LPIN3: variants seen among roughly 807,000 people sequenced by gnomAD.
LPIN3 encodes lipin 3, also known as phosphatidate phosphatase LPIN3.
A neutral mutation model predicts 94.7 loss-of-function variants in LPIN3; 82 were observed. The ratio of observed to expected loss-of-function variants is 0.87; its 90% CI spans 0.72 to 1.04. LPIN3 has a LOEUF of 1.04. Ranked by LOEUF, LPIN3 falls within the 50% of genes least tolerant of loss-of-function variation. LPIN3 has a pLI of 0.00. For missense variants in LPIN3, 996 were observed against 1,090.5 expected (o/e 0.91, Z 1.22); for synonymous variants, 418 against 443.3 (o/e 0.94, Z 0.72).
intron 18 of LPIN3, 23 bp from the exon 19 acceptor site, chr20:41,358,416 T>C (rs747879775): frequency 1.2e-6 from 2 of 1,613,710 alleles, no homozygotes; most frequent in Non-Finnish European, 8.5e-7. Context: ...CTCCATTCCA[T>C]GGGCCCCTCC....
chr20:41,350,574 G>A (rs1361369685), intron 7 of LPIN3, among the ~76,000 whole-genome samples, 177 bp downstream of exon 7: 6 of 152,202 alleles, frequency 3.9e-5, no homozygotes, highest in Non-Finnish European at 7.3e-5. Flanking sequence ...GTGGAAGGGC[G>A]TGCCACAGGC....
intron 1 of LPIN3, among the ~76,000 whole-genome samples, chr20:41,343,773 T>C (rs2045670678): frequency 6.6e-6 from 1 of 152,200 alleles, no homozygotes; most frequent in Non-Finnish European, 1.5e-5. Context: ...AAAATGCAGA[T>C]GCTAGGCCAG....
rs2046067043 is a variant in LPIN3 at position 41,352,667 on chromosome 20, T to A, written c.1425T>A (p.Asp475Glu). ...QDLTKNPGLLDDPNLVVKING... is the reference protein window; with the variant it reads ...QDLTKNPGLLEDPNLVVKING... ...TCACCAAAAACCCCGGACTTTTGGATGACCCAAACCTAGTGGTGAAAATCA... is the reference window on the plus strand; with the variant it reads ...TCACCAAAAACCCCGGACTTTTGGAAGACCCAAACCTAGTGGTGAAAATCA... The change falls in exon 10 of 20, where the codon GAT becomes GAA. Residue 475 changes from aspartate to glutamate, a missense_variant. Coordinates refer to ENST00000373257, the MANE Select transcript of LPIN3 (RefSeq NM_022896.3). 2 of 1,614,220 alleles carry A rather than the reference T, an allele frequency of 1.2e-6. No individual in the cohort carries two copies. The highest frequency in any genetic ancestry group is 2.7e-5 in the African/African-American group (2 of 75,060).
At chr20:41,349,999 T>C in intron 6 of LPIN3, 56 bp from the exon 7 acceptor site, 1 of 1,560,050 alleles carries the variant, frequency 6.4e-7, no homozygotes, top group Non-Finnish European at 8.7e-7. Context: ...CCCAAAAGCT[T>C]TGTGGGGCAT....
In LPIN3 at chr20:41,350,112, A is replaced by ACCT; in HGVS notation, c.819_821dup (p.Ser274dup). On this transcript the variant is annotated inframe_insertion, in exon 7 of 20. Coordinates refer to ENST00000373257, the MANE Select transcript of LPIN3 (RefSeq NM_022896.3). Reference sequence around the variant, plus strand: ...GGTCCTTGAAGGCAGAGCTGGGGCAACCTCTCCTCCTCGGGGAGGACCCAG... The same window carrying ACCT: ...GGTCCTTGAAGGCAGAGCTGGGGCAACCTCCTCTCCTCCTCGGGGAGGACCCAG... 1 of 1,611,282 alleles carries ACCT rather than the reference A, an allele frequency of 6.2e-7. No individual in the cohort carries two copies. Among genetic ancestry groups the ACCT allele is most frequent in the Non-Finnish European group, 8.5e-7 (1 of 1,178,918 alleles).
In LPIN3 at chr20:41,357,426, G is replaced by A; in HGVS notation, c.2018G>A (p.Ser673Asn). 6.2e-7 allele frequency: 1 copy of A among 1,613,814 alleles called. No homozygotes were observed. Reference protein sequence around the residue: ...GKDWTHQGITSLYHKIQLNGY... With the variant: ...GKDWTHQGITNLYHKIQLNGY... The stretch of plus-strand genomic sequence containing the variant: ...GACTGGACACACCAGGGCATCACCA[G>A]TCTCTATCACAAAATCCAACTGTGA... The change falls in exon 16 of 20, where the codon AGT (serine) becomes AAT (asparagine). Residue 673 changes from serine (S) to asparagine (N), a missense_variant. By Grantham distance (46) the Ser-to-Asn change is conservative. Transcript: ENST00000373257.
At chr20:41,345,769 G>A (rs754779515) in intron 1 of LPIN3, 27 bp from the exon 2 acceptor site, 3 of 1,590,598 alleles carry the variant, frequency 1.9e-6, no homozygotes, top group African/African-American at 2.7e-5. Context: ...GCAGACCTTT[G>A]TGCAAGCCAC....
Position 41,348,822 on chromosome 20 carries a change from G to A in LPIN3, c.492G>A (p.Glu164=), listed in dbSNP as rs757243499. The A allele has an allele frequency of 6.2e-7, 1 of 1,611,262 alleles. No homozygotes were observed. Among genetic ancestry groups the A allele is most frequent in the Admixed American group, 1.7e-5 (1 of 59,574 alleles). Residue 164 remains glutamate, a synonymous_variant, in exon 4 of 20, where the codon GAG becomes GAA. Coordinates refer to ENST00000373257, the MANE Select transcript of LPIN3 (RefSeq NM_022896.3). ...EDAVATDSSP[E]ELEAGAESEL... ...CAGTGGCAACTGATTCTAGTCCAGA[G>A]GAACTGGAGGCAGGCGCTGAGAGTG... is the stretch of plus-strand genomic sequence containing the variant.
chr20:41,354,845 C>A lies in LPIN3; in HGVS notation c.1646C>A (p.Ala549Glu). ...CGCAGTGCCCAGAAGGAGAAGACTG[C>A]AGCCAAGGAGCAGCAGGGGTGAGTG... ...EERSAQKEKT[A>E]AKEQQGEKTE... The change falls in exon 13 of 20, where the codon GCA becomes GAA. Residue 549 changes from alanine (A) to glutamate (E), a missense_variant. By Grantham distance (107) the Ala-to-Glu change is moderately radical (BLOSUM62 -1). Transcript: ENST00000373257. 6.3e-7 allele frequency: 1 copy of A among 1,579,624 alleles called. No homozygotes were observed. The highest frequency in any genetic ancestry group is 8.6e-7 in the Non-Finnish European group (1 of 1,162,446).
intron 19 of LPIN3, 55 bp downstream of exon 19, chr20:41,358,597 C>T: frequency 6.2e-7 from 1 of 1,603,998 alleles, no homozygotes; most frequent in East Asian, 2.2e-5. Flanking sequence ...CCTGCCCTGG[C>T]TTCTCCCTGG....
chr20:41,353,551 C>G (rs1302491707), intron 11 of LPIN3, among the ~76,000 whole-genome samples: 1 of 152,106 alleles, frequency 6.6e-6, no homozygotes, highest in Admixed American at 6.6e-5. Context: ...TTGAGCTGGC[C>G]AGGGGTGGGG....
At position 41,358,847 on chromosome 20, in the gene LPIN3, A is replaced by T; in HGVS notation, c.2537A>T (p.Asp846Val). The change falls in exon 20 of 20, where the codon GAC becomes GTC. Residue 846 changes from aspartate (D) to valine (V), a missense_variant. Asp to Val is a radical substitution (Grantham distance 152). Coordinates refer to ENST00000373257, the MANE Select transcript of LPIN3 (RefSeq NM_022896.3). ...TGGCGGGAGCCACTGCCTGCTGTGG[A>T]CCTTGATACCCTGGACTGAACCTGC... ...CYWREPLPAVDLDTLD is the reference protein window; with the variant it reads ...CYWREPLPAVVLDTLD 6.2e-7 allele frequency: 1 copy of T among 1,613,564 alleles called. No individual in the cohort carries two copies.
chr20:41,347,753 C>T (rs2045839181), intron 3 of LPIN3, 106 bp downstream of exon 3: 1 of 978,814 alleles, frequency 1.0e-6, no homozygotes, highest in Non-Finnish European at 1.5e-6. Context: ...CCCGGGAGCA[C>T]CCCACCAGCA....
At chr20:41,358,139 G>A in intron 17 of LPIN3, 98 bp from the exon 18 acceptor site, 1 of 1,584,636 alleles carries the variant, frequency 6.3e-7, no homozygotes, top group South Asian at 1.1e-5. Flanking sequence ...AGGTGGCAAG[G>A]AGGGTGGGGT....
intron 15 of LPIN3, 49 bp from the exon 16 acceptor site, chr20:41,357,312 C>T: frequency 6.2e-7 from 1 of 1,604,098 alleles, no homozygotes; most frequent in South Asian, 1.1e-5. Context: ...GGGGCTGGAG[C>T]TGGGCCACGT....
At chr20:41,356,069 G>C (rs769764958) in intron 14 of LPIN3, 35 bp downstream of exon 14, 3 of 1,606,250 alleles carry the variant, frequency 1.9e-6, no homozygotes, top group South Asian at 2.2e-5. Context: ...GGTTGGGGAG[G>C]GGCTGAGCTA....
Position 41,350,100 on chromosome 20 carries a change from A to C in LPIN3, c.805A>C (p.Arg269=). ...CGAGTCCTCAGTGGTCCTTGAAGGC[A>C]GAGCTGGGGCAACCTCTCCTCCTCG... ...RPESSVVLEG[R]AGATSPPRGG... is the part of the protein sequence containing the mutation. Residue 269 remains arginine (R), a synonymous_variant, in exon 7 of 20, where the codon AGA becomes CGA. Coordinates refer to ENST00000373257, the MANE Select transcript of LPIN3 (RefSeq NM_022896.3). 6.2e-7 allele frequency: 1 copy of C among 1,610,292 alleles called. No homozygotes were observed.
At chr20:41,345,253 C>T (rs2146918938) in intron 1 of LPIN3, among the ~76,000 whole-genome samples, 1 of 152,296 alleles carries the variant, frequency 6.6e-6, no homozygotes, top group South Asian at 2.1e-4. Context: ...CCCCCTCTTC[C>T]CACCCCCTCC....
intron 9 of LPIN3, 82 bp downstream of exon 9, chr20:41,352,302 G>A: frequency 1.3e-6 from 2 of 1,514,486 alleles, no homozygotes; most frequent in South Asian, 2.4e-5. Flanking sequence ...CTGTGAGGGT[G>A]GGGCAGTAGA....
Sources: allele counts gnomAD v4.1 joint callset (sites outside exome capture counted in the v4.1 genomes callset), GRCh38; gene constraint gnomAD v4.1.1; transcripts MANE v1.5; gene names NCBI Gene and HGNC (gene_info 2026-07-23, HGNC 2026-07-21).